Variants in RGS7 observed in about 807,000 individuals in gnomAD.
RGS7 encodes regulator of G protein signaling 7.
A neutral mutation model predicts 81.1 loss-of-function variants in RGS7; 27 were observed. The ratio of observed to expected loss-of-function variants is 0.33; its 90% CI spans 0.25 to 0.46. The LOEUF is 0.46. Ranked by LOEUF, RGS7 falls within the 20% of genes least tolerant of loss-of-function variation. RGS7 has a pLI of 1.00. For synonymous variants in RGS7, 208 were observed against 207.7 expected, an observed-to-expected ratio of 1.00 and a Z score of -0.01; for missense variants, 396 against 607.4, an observed-to-expected ratio of 0.65 and a Z score of 3.66.
chr1:241,351,040 C>T (rs202047012), intron 2 of RGS7, among the ~76,000 whole-genome samples: 243 of 152,228 alleles, frequency 1.6e-3, no homozygotes, highest in South Asian at 7.0e-3. Flanking sequence ...AGCCAATCAG[C>T]GTAAGTACTC....
rs111720934 is a variant in RGS7 at position 241,126,392 on chromosome 1, G to A, written c.79-27630C>T. Reference sequence around the variant, plus strand: ...TCGAACTCCCGACCTCAGGTGATCCGCCCGCCTTGGCCTCCCAAAGTGCTG... The same window carrying A: ...TCGAACTCCCGACCTCAGGTGATCCACCCGCCTTGGCCTCCCAAAGTGCTG... On this transcript the variant is annotated intron_variant, in intron 2 of 18. Transcript: ENST00000440928. Among the ~76,000 whole-genome samples, 1,178 of 152,012 alleles carry A rather than the reference G, an allele frequency of 7.7e-3. 13 individuals are homozygous for A. The highest frequency in any genetic ancestry group is 0.026 in the African/African-American group (1,094 of 41,466).
intron 2 of RGS7, among the ~76,000 whole-genome samples, chr1:241,245,931 C>T (rs1019855501): frequency 1.8e-4 from 28 of 151,710 alleles, no homozygotes; most frequent in Admixed American, 2.6e-4. Context: ...GGTGAAACCC[C>T]GTCTCTACTA....
chr1:241,109,872 C>T (rs2065390328), intron 2 of RGS7, among the ~76,000 whole-genome samples: 1 of 151,912 alleles, frequency 6.6e-6, no homozygotes. Context: ...GCAGGAGAAT[C>T]GCTTGAACCC....
In RGS7 at chr1:241,164,157, C is replaced by A. The variant is rs771995967; in HGVS notation, c.79-65395G>T. ...TACAAAGGATACAGGTGAAGAGATG[C>A]ATAGGGTGAGGTATGGAGGAAGGGT... On this transcript the variant is annotated intron_variant, in intron 2 of 18. Transcript: ENST00000440928. This position sits in a 1 kb window ranked among gnomAD's most constrained non-coding sequence, Gnocchi z 4.1. Among the ~76,000 whole-genome samples the A allele has an allele frequency of 6.6e-6, 1 of 152,044 alleles. No homozygotes were observed. Among genetic ancestry groups the A allele is most frequent in the Admixed American group, 6.6e-5 (1 of 15,256 alleles).
chr1:240,932,953 G>T (rs1157487599), intron 5 of RGS7, among the ~76,000 whole-genome samples: 3 of 124,708 alleles, frequency 2.4e-5, no homozygotes, highest in South Asian at 2.6e-4. Context: ...GCGCGATCTC[G>T]GCTCACTGCA....
At chr1:241,138,616 G>C (rs931069081) in intron 2 of RGS7, among the ~76,000 whole-genome samples, 1 of 152,184 alleles carries the variant, frequency 6.6e-6, no homozygotes, top group Non-Finnish European at 1.5e-5. Flanking sequence ...GAGAATTAAG[G>C]TGATTGCGTA....
In RGS7 at chr1:240,813,833, T is replaced by A. The variant is rs1404249136; in HGVS notation, c.846-105A>T. On this transcript the variant is annotated intron_variant, in intron 12 of 18. Coordinates refer to ENST00000440928, the MANE Select transcript of RGS7 (RefSeq NM_001364886.1). ...AAAATGTGGGACCAAGGAATCCTTG[T>A]TCACTTAAAGCATGAAATCCAATGG... 5.3e-6 allele frequency: 4 copies of A among 748,806 alleles called. No individual in the cohort carries two copies. The East Asian group carries it at 8.1e-5, about 15-fold the overall frequency. 46.4% of individuals were successfully genotyped at this position (748,806 alleles called of 1,614,324 possible).
intron 4 of RGS7, among the ~76,000 whole-genome samples, chr1:240,940,405 G>T (rs112549522): frequency 6.6e-6 from 1 of 152,142 alleles, no homozygotes; most frequent in Non-Finnish European, 1.5e-5. Flanking sequence ...AAGAGCTTAG[G>T]GGGGTTGCAG....
intron 2 of RGS7, among the ~76,000 whole-genome samples, chr1:241,192,252 C>CGTGTGTGTGTGT (rs56677676): frequency 2.4e-4 from 30 of 124,676 alleles, no homozygotes; most frequent in African/African-American, 9.3e-4. Flanking sequence ...TCTGTCTGCA[C>CGTGTGTGTGTGT]GTGTGTGTGT....
At chr1:241,233,312 G>A (rs967619436) in intron 2 of RGS7, among the ~76,000 whole-genome samples, 3 of 152,066 alleles carry the variant, frequency 2.0e-5, no homozygotes, top group African/African-American at 7.2e-5. Flanking sequence ...ACTGATCTAC[G>A]GAACACCAGG....
chr1:240,894,606 T>C (rs1010379072), intron 6 of RGS7, among the ~76,000 whole-genome samples: 2 of 152,108 alleles, frequency 1.3e-5, no homozygotes, highest in Admixed American at 6.5e-5. Context: ...GCCTCTTTGG[T>C]TGTTTATCAA....
At chr1:241,269,806 C>T (rs1209813442) in intron 2 of RGS7, among the ~76,000 whole-genome samples, 1 of 152,164 alleles carries the variant, frequency 6.6e-6, no homozygotes, top group African/African-American at 2.4e-5. Flanking sequence ...TATGAATTTT[C>T]AAGTGTAATT....
In RGS7 at chr1:240,795,537, T is replaced by C. The variant is rs116758777; in HGVS notation, c.*6+5104A>G. Reference sequence around the variant, plus strand: ...ATGGATACCTCTTCCCTTGTAAATTTACATTCCATTTAACCAAGCAGTTCA... The same window carrying C: ...ATGGATACCTCTTCCCTTGTAAATTCACATTCCATTTAACCAAGCAGTTCA... On this transcript the variant is annotated intron_variant, in intron 18 of 18. Transcript: ENST00000440928. Among the ~76,000 whole-genome samples the C allele has an allele frequency of 4.9e-3, 741 of 152,360 alleles. 7 individuals carry two copies. Among genetic ancestry groups the C allele is most frequent in the African/African-American group, 0.017 (700 of 41,590 alleles).
chr1:240,925,741 CAACA>C (rs1195898516), intron 6 of RGS7, among the ~76,000 whole-genome samples: 2 of 152,166 alleles, frequency 1.3e-5, no homozygotes, highest in African/African-American at 4.8e-5. Context: ...ACATTCCCAC[CAACA>C]GAGTATAAAC....
intron 2 of RGS7, among the ~76,000 whole-genome samples, chr1:241,351,659 A>G (rs1325333187): frequency 6.6e-6 from 1 of 152,128 alleles, no homozygotes; most frequent in African/African-American, 2.4e-5. Context: ...ATAAAAACAA[A>G]CGAATGCAAA....
At chr1:240,967,827 C>T (rs1482307250) in intron 4 of RGS7, among the ~76,000 whole-genome samples, 1 of 152,062 alleles carries the variant, frequency 6.6e-6, no homozygotes, top group Non-Finnish European at 1.5e-5. Context: ...TTATTTTCTT[C>T]TTTTTATTTT....
chr1:240,875,669 TCTTTTCTCCA>T (rs747990466), intron 6 of RGS7, among the ~76,000 whole-genome samples: 3 of 152,228 alleles, frequency 2.0e-5, no homozygotes, highest in Non-Finnish European at 4.4e-5. Context: ...ATCAGGGTTC[TCTTTTCTCCA>T]CATTCTCCCC....
At chr1:241,206,884 G>A (rs1334943683) in intron 2 of RGS7, among the ~76,000 whole-genome samples, 1 of 149,958 alleles carries the variant, frequency 6.7e-6, no homozygotes, top group Non-Finnish European at 1.5e-5. Context: ...ATAGCACTTA[G>A]TGCTGTCTCA....
rs145481706 is a variant in RGS7, at chr1:241,057,329, G to A, written c.175+41337C>T. 3.0e-3 allele frequency among the ~76,000 whole-genome samples: 456 copies of A among 152,086 alleles called. 2 individuals are homozygous for A. Among genetic ancestry groups the A allele is most frequent in the Non-Finnish European group, 5.0e-3 (343 of 67,968 alleles). On this transcript the variant is annotated intron_variant, in intron 3 of 18. Coordinates refer to ENST00000440928, the MANE Select transcript of RGS7 (RefSeq NM_001364886.1). ...AGTCATTTAAATTCCCTGAGCCTTG[G>A]GTTTCTCATTTGTACAATAAGAGGG...
Sources: allele counts gnomAD v4.1 joint callset (sites outside exome capture counted in the v4.1 genomes callset), GRCh38; gene constraint gnomAD v4.1.1; non-coding constraint Gnocchi (gnomAD v3.1); transcripts MANE v1.5; gene names NCBI Gene and HGNC (gene_info 2026-07-23, HGNC 2026-07-21).